Variants in GSN observed in about 807,000 individuals in gnomAD.
GSN encodes the protein gelsolin, also known as actin-depolymerizing factor.
Under a neutral mutation model 85.7 loss-of-function variants are expected in GSN, and 56 were observed. The observed-to-expected ratio is 0.65, with a 90% CI of 0.53 to 0.82. GSN has a LOEUF of 0.82. Among genes scored for constraint, GSN ranks in the 40% least tolerant of loss-of-function variants. The pLI is 0.00. For synonymous variants in GSN, 373 were observed against 399.1 expected (o/e 0.93, Z 0.78); for missense variants, 857 against 979.8 (o/e 0.87, Z 1.67).
At chr9:121,268,433 G>A (rs942581366) in intron 1 of GSN, among the ~76,000 whole-genome samples, 2 of 152,150 alleles carry the variant, frequency 1.3e-5, no homozygotes, top group African/African-American at 2.4e-5. Flanking sequence ...GGAGACGCCG[G>A]AGCAGGAGAG....
chr9:121,291,102 A>G (rs2058641843), intron 2 of GSN, among the ~76,000 whole-genome samples: 1 of 152,336 alleles, frequency 6.6e-6, no homozygotes, highest in East Asian at 1.9e-4. Context: ...TTTTAAAAAC[A>G]GTGCAGTGTA....
chr9:121,287,414 G>A (rs2058245813), intron 2 of GSN, among the ~76,000 whole-genome samples: 1 of 152,166 alleles, frequency 6.6e-6, no homozygotes, highest in African/African-American at 2.4e-5. Flanking sequence ...TCCTGGCTGA[G>A]CCTCAGAATC....
intron 4 of GSN, among the ~76,000 whole-genome samples, chr9:121,217,349 G>A (rs1312498059): frequency 6.6e-6 from 1 of 150,436 alleles, no homozygotes; most frequent in African/African-American, 2.4e-5. Flanking sequence ...CTGGGCAACA[G>A]GGCAAAACTC....
chr9:121,212,389 G>T (rs1299960021), intron 4 of GSN, among the ~76,000 whole-genome samples: 2 of 152,076 alleles, frequency 1.3e-5, no homozygotes, highest in Non-Finnish European at 2.9e-5. Context: ...TTGTCGTGAA[G>T]GTTATAAATG....
At chr9:121,230,251 T>C (rs1365057912) in intron 4 of GSN, among the ~76,000 whole-genome samples, 1 of 152,166 alleles carries the variant, frequency 6.6e-6, no homozygotes, top group Admixed American at 6.5e-5. Flanking sequence ...AAAAGGAGGC[T>C]CAGAGAGAGA....
chr9:121,324,526 T>C (rs749088256), intron 11 of GSN, 28 bp from the exon 12 acceptor site: 1 of 1,211,346 alleles, frequency 8.3e-7, no homozygotes, highest in South Asian at 1.3e-5. Context: ...GTGTGCACCC[T>C]GATGCTGAAT....
At chr9:121,257,339 A>G (rs2054985979) in intron 6 of GSN, among the ~76,000 whole-genome samples, 1 of 152,210 alleles carries the variant, frequency 6.6e-6, no homozygotes, top group South Asian at 2.1e-4. Flanking sequence ...CCACATACCA[A>G]TTCTCTGCAT....
chr9:121,217,602 C>G (rs1380088831), intron 4 of GSN, among the ~76,000 whole-genome samples: 1 of 151,784 alleles, frequency 6.6e-6, no homozygotes, highest in Non-Finnish European at 1.5e-5. Flanking sequence ...TAGGGCCCAC[C>G]CTAGTGACCT....
At chr9:121,330,928 G>C (rs2063813730) in intron 16 of GSN, among the ~76,000 whole-genome samples, 2 of 152,172 alleles carry the variant, frequency 1.3e-5, no homozygotes, top group African/African-American at 4.8e-5. Flanking sequence ...CTTTAGAGAA[G>C]AATCTCAAAC....
chr9:121,267,368 G>T (rs1480196127), upstream of GSN, among the ~76,000 whole-genome samples: 1 of 152,190 alleles, frequency 6.6e-6, no homozygotes, highest in Non-Finnish European at 1.5e-5. Flanking sequence ...AACAGTATCT[G>T]CCATGACACT....
rs759975420 is a variant in GSN at position 121,302,095 on chromosome 9, G to A, written c.124G>A (p.Asp42Asn). 1.1e-5 allele frequency: 18 copies of A among 1,614,102 alleles called. No individual in the cohort carries two copies. Among genetic ancestry groups the A allele is most frequent in the Admixed American group, 1.7e-5 (1 of 60,016 alleles). ...CCTTTATGGAGACTTCTTCACGGGC[G>A]ACGCCTACGTCATCCTGAAGACAGT... ...TNLYGDFFTG[D>N]AYVILKTVQL... Residue 42 changes from aspartate to asparagine, a missense_variant, in exon 3 of 18, where the codon GAC (aspartate) becomes AAC (asparagine). Physicochemically the swap from Asp to Asn is conservative, Grantham distance 23. Transcript: ENST00000432226.
chr9:121,239,713 T>C, intron 5 of GSN: 2 of 307,636 alleles, frequency 6.5e-6, no homozygotes, highest in Admixed American at 7.3e-5. Flanking sequence ...CCTCTGTCAA[T>C]GGGTTTTTCC....
intron 2 of GSN, among the ~76,000 whole-genome samples, chr9:121,293,321 C>G (rs1229856320): frequency 6.6e-6 from 1 of 152,174 alleles, no homozygotes; most frequent in African/African-American, 2.4e-5. Flanking sequence ...GCCGATTTTC[C>G]TGTCACCTAT....
In GSN at chr9:121,299,083, T is replaced by TG. The variant is rs2059496519; in HGVS notation, c.-9-2876dup. 6.6e-6 allele frequency among the ~76,000 whole-genome samples: 1 copy of TG among 152,170 alleles called. No individual in the cohort carries two copies. The highest frequency in any genetic ancestry group is 2.1e-4 in the South Asian group (1 of 4,832). On this transcript the variant is annotated intron_variant, in intron 2 of 17. Transcript: ENST00000432226. This position sits in a 1 kb window ranked among gnomAD's most constrained non-coding sequence, Gnocchi z 4.2. ...AGAGGTAGATAGCAGTGGTTGCCCC[T>TG]GGGGAGAGGTAAATGTGATGGAGAG...
intron 4 of GSN, among the ~76,000 whole-genome samples, chr9:121,212,113 G>A (rs1179008697): frequency 6.6e-6 from 1 of 152,036 alleles, no homozygotes; most frequent in African/African-American, 2.4e-5. Context: ...GGGCCGATGG[G>A]GAAGAGACTA....
chr9:121,300,631 A>C (rs1353037687), intron 2 of GSN, among the ~76,000 whole-genome samples: 1 of 152,070 alleles, frequency 6.6e-6, no homozygotes, highest in African/African-American at 2.4e-5. Flanking sequence ...ACTCCAGCCT[A>C]ACCCTCCTGC....
intron 10 of GSN, 109 bp from the exon 11 acceptor site, chr9:121,321,159 A>T: frequency 8.4e-7 from 1 of 1,188,648 alleles, no homozygotes. Flanking sequence ...AGTGATTAAA[A>T]GTTCATCCCA....
chr9:121,255,466 C>A (rs143138193), intron 6 of GSN, among the ~76,000 whole-genome samples: 1 of 152,132 alleles, frequency 6.6e-6, no homozygotes, highest in Non-Finnish European at 1.5e-5. Flanking sequence ...AAATTCCTGG[C>A]CTCAAGTGGT....
chr9:121,313,992 C>G lies in GSN; in HGVS notation c.722C>G (p.Ala241Gly), dbSNP rs144375242. Residue 241 changes from alanine (A) to glycine (G), a missense_variant, in exon 7 of 18, where the codon GCG (alanine) becomes GGG (glycine). Physicochemically the swap from Ala to Gly is moderately conservative, Grantham distance 60. Transcript: ENST00000432226. ...AGTEDTAKED[A>G]ANRKLAKLYK... ...ACCGAGGACACCGCCAAGGAGGATG[C>G]GGCCAACCGCAAGCTGGCCAAGCTC... The G allele has an allele frequency of 6.2e-7, 1 of 1,613,998 alleles. No individual in the cohort carries two copies. Among genetic ancestry groups the G allele is most frequent in the Non-Finnish European group, 8.5e-7 (1 of 1,179,822 alleles).
Sources: gnomAD v4.1 joint callset for allele counts (sites outside exome capture counted in the v4.1 genomes callset) on GRCh38, gnomAD v4.1.1 for gene constraint, Gnocchi (gnomAD v3.1) non-coding constraint, MANE v1.5 for transcripts, NCBI Gene and HGNC (gene_info 2026-07-23, HGNC 2026-07-21) for gene names.